The following MTUS2 variants were observed in gnomAD, a reference collection of about 807,000 sequenced individuals.
MTUS2 encodes microtubule associated scaffold protein 2, also known as microtubule-associated tumor suppressor candidate 2.
MTUS2 carries 40 observed loss-of-function variants against 114.1 expected under a neutral mutation model. The observed-to-expected ratio is 0.35, with a 90% CI of 0.27 to 0.46. The LOEUF is 0.46. Among genes scored for constraint, MTUS2 ranks in the 20% least tolerant of loss-of-function variants. The probability of loss-of-function intolerance (pLI) is 1.00; values close to 1 mark genes in which losing one functional copy is unlikely to be tolerated. For synonymous variants in MTUS2, 688 were observed against 672.0 expected (o/e 1.02, Z -0.37); for missense variants, 1,679 against 1,705.4 (o/e 0.98, Z 0.27).
rs886168305 is a variant in MTUS2 at position 29,469,394 on chromosome 13, C to T, written c.3185-10756C>T. Among the ~76,000 whole-genome samples the T allele has an allele frequency of 5.3e-5, 8 of 152,102 alleles. No individual in the cohort carries two copies. The South Asian group carries it at 8.3e-4, about 16-fold the overall frequency. ...CTGTAATCCCAGCACTTTGGGAGGC[C>T]GAGGCTGGTGGATCACGAGGTCAGG... On this transcript the variant is annotated intron_variant, in intron 9 of 15. Coordinates refer to ENST00000612955, the MANE Select transcript of MTUS2 (RefSeq NM_001033602.4).
intron 4 of MTUS2, among the ~76,000 whole-genome samples, chr13:29,059,228 ATTTTT>A (rs35369352): frequency 9.3e-5 from 9 of 97,130 alleles, no homozygotes; most frequent in South Asian, 4.4e-4. Flanking sequence ...TATTCTTTGG[ATTTTT>A]TTTTTTTTTT....
chr13:29,009,722 T>C (rs191823421), intron 2 of MTUS2, among the ~76,000 whole-genome samples: 1 of 147,064 alleles, frequency 6.8e-6, no homozygotes, highest in Non-Finnish European at 1.5e-5. Flanking sequence ...AATGAAAATC[T>C]TTTTAAAAGG....
At chr13:29,324,092 A>G (rs895784927) in intron 6 of MTUS2, among the ~76,000 whole-genome samples, 1 of 152,212 alleles carries the variant, frequency 6.6e-6, no homozygotes, top group Non-Finnish European at 1.5e-5. Flanking sequence ...GCTGCAGCCA[A>G]GAGAGCTAAA....
intron 2 of MTUS2, among the ~76,000 whole-genome samples, chr13:28,915,717 G>A (rs1280940225): frequency 6.6e-6 from 1 of 151,770 alleles, no homozygotes; most frequent in African/African-American, 2.4e-5. Flanking sequence ...CAGATGGGTG[G>A]TTTACACATA....
At chr13:28,899,237 C>T (rs1306565469) in intron 2 of MTUS2, among the ~76,000 whole-genome samples, 1 of 152,228 alleles carries the variant, frequency 6.6e-6, no homozygotes, top group East Asian at 1.9e-4. Context: ...CCTGAAACTG[C>T]CTCCTTACAT....
intron 6 of MTUS2, among the ~76,000 whole-genome samples, chr13:29,323,447 T>G (rs1252919456): frequency 6.6e-6 from 1 of 152,170 alleles, no homozygotes; most frequent in Non-Finnish European, 1.5e-5. Flanking sequence ...AGACGGGGTT[T>G]CACCGTGTTA....
At chr13:28,963,522 T>G (rs567337350) in intron 2 of MTUS2, among the ~76,000 whole-genome samples, 2 of 152,220 alleles carry the variant, frequency 1.3e-5, no homozygotes, top group Non-Finnish European at 2.9e-5. Context: ...TGTGTGTATA[T>G]GCACATGCAT....
rs111716864 is a variant in MTUS2, at chr13:29,308,167, T to A, written c.2807-16446T>A. ...CCGACTTCAAACTATACTACAAGAC[T>A]ACAGTAACTAAAACAGCATGGTACT... On this transcript the variant is annotated intron_variant, in intron 6 of 15. Transcript: ENST00000612955. 6.2e-3 allele frequency among the ~76,000 whole-genome samples: 940 copies of A among 152,258 alleles called. 13 individuals are homozygous for A. Among genetic ancestry groups the A allele is most frequent in the African/African-American group, 0.022 (897 of 41,548 alleles).
chr13:29,028,846 A>G (rs1412045197), intron 3 of MTUS2, among the ~76,000 whole-genome samples: 2 of 152,178 alleles, frequency 1.3e-5, no homozygotes, highest in Non-Finnish European at 2.9e-5. Flanking sequence ...ATGTTGAGTG[A>G]TAACTGAATC....
intron 2 of MTUS2, among the ~76,000 whole-genome samples, chr13:28,899,986 C>T (rs1444995792): frequency 6.6e-6 from 1 of 152,092 alleles, no homozygotes; most frequent in Admixed American, 6.6e-5. Context: ...CTCCAGGGTA[C>T]AATCCATTCT....
Position 29,389,805 on chromosome 13 carries a change from A to ATG in MTUS2, c.3117+30336_3117+30337dup, listed in dbSNP as rs1166176767. ...TGTGTGTATATGTATATACATACATATGTGTATATATACATACATATGTGT... is the reference window on the plus strand; with the variant it reads ...TGTGTGTATATGTATATACATACATATGTGTGTATATATACATACATATGTGT... On this transcript the variant is annotated intron_variant, in intron 8 of 15. Transcript: ENST00000612955. Among the ~76,000 whole-genome samples the ATG allele has an allele frequency of 8.6e-5, 6 of 69,634 alleles. 1 individual carries two copies. The highest frequency in any genetic ancestry group is 3.6e-4 in the African/African-American group (6 of 16,440). 45.7% of individuals were successfully genotyped at this position (69,634 alleles called of 152,430 possible).
At chr13:29,376,468 T>A (rs1424578499) in intron 8 of MTUS2, among the ~76,000 whole-genome samples, 1 of 151,912 alleles carries the variant, frequency 6.6e-6, no homozygotes, top group Non-Finnish European at 1.5e-5. Context: ...AATGTGCAAA[T>A]AACCCAAAGG....
At chr13:29,273,506 A>C (rs1378963234) in intron 5 of MTUS2, among the ~76,000 whole-genome samples, 1 of 152,194 alleles carries the variant, frequency 6.6e-6, no homozygotes, top group Non-Finnish European at 1.5e-5. Context: ...AACTTGTTCC[A>C]GCCAGGGGAT....
chr13:29,337,374 T>C (rs1407108578), intron 7 of MTUS2, among the ~76,000 whole-genome samples: 1 of 152,046 alleles, frequency 6.6e-6, no homozygotes, highest in Non-Finnish European at 1.5e-5. Flanking sequence ...GTACAGTCCC[T>C]CATGGCTTCT....
chr13:29,164,276 C>T (rs1047666265), intron 5 of MTUS2, among the ~76,000 whole-genome samples: 2 of 152,200 alleles, frequency 1.3e-5, no homozygotes, highest in Admixed American at 1.3e-4. Flanking sequence ...TTCCAGGCTC[C>T]AGTCAGCATC....
chr13:29,452,955 A>G (rs985098798), intron 9 of MTUS2, among the ~76,000 whole-genome samples: 2 of 152,226 alleles, frequency 1.3e-5, no homozygotes, highest in Admixed American at 1.3e-4. Context: ...ACATTATTGC[A>G]TTTGATCCTG....
chr13:29,237,675 A>G (rs1348465003), intron 5 of MTUS2, among the ~76,000 whole-genome samples: 1 of 152,206 alleles, frequency 6.6e-6, no homozygotes, highest in South Asian at 2.1e-4. Context: ...TTGACTTTGT[A>G]TACCTGGAGA....
At chr13:29,412,688 G>A (rs371678338) in intron 8 of MTUS2, among the ~76,000 whole-genome samples, 18 of 151,994 alleles carry the variant, frequency 1.2e-4, no homozygotes, top group Non-Finnish European at 1.6e-4. Context: ...ATAGGAGTTC[G>A]AGACCAGCCT....
In MTUS2 at chr13:29,447,609, CA is replaced by C. The variant is rs1370074205; in HGVS notation, c.3184+7561del. ...CTTGGGGTATCTAAACTGTTGTCTC[CA>C]TTTTTTTTTTTTTTTTTTAATGCTG... is the stretch of plus-strand genomic sequence containing the variant. On this transcript the variant is annotated intron_variant, in intron 9 of 15. Transcript: ENST00000612955. 2.7e-3 allele frequency among the ~76,000 whole-genome samples: 378 copies of C among 140,268 alleles called. 2 individuals are homozygous for C. Among genetic ancestry groups the C allele is most frequent in the African/African-American group, 0.011 (363 of 34,158 alleles). The allele number at this position is 140,268 out of a possible 152,430, so 92.0% of individuals were successfully genotyped here.
Sources: allele counts gnomAD v4.1 joint callset (sites outside exome capture counted in the v4.1 genomes callset), GRCh38; gene constraint gnomAD v4.1.1; transcripts MANE v1.5; gene names NCBI Gene and HGNC (gene_info 2026-07-23, HGNC 2026-07-21).